The following THSD4 variants were observed in gnomAD, a reference collection of about 807,000 sequenced individuals.
THSD4 encodes the protein thrombospondin type 1 domain containing 4, also known as thrombospondin type-1 domain-containing protein 4.
THSD4 carries 69 observed loss-of-function variants against 119.0 expected under a neutral mutation model. The observed-to-expected ratio is 0.58, with a 90% CI of 0.48 to 0.71. The LOEUF is 0.71. THSD4 is among the 30% of genes least tolerant of loss of function. The pLI is 0.00. For synonymous variants in THSD4, 524 were observed against 540.4 expected, an observed-to-expected ratio of 0.97 and a Z score of 0.42; for missense variants, 1,393 against 1,391.1, an observed-to-expected ratio of 1.00 and a Z score of -0.02.
At chr15:71,226,094 C>T (rs2044016286) in intron 4 of THSD4, among the ~76,000 whole-genome samples, 1 of 152,070 alleles carries the variant, frequency 6.6e-6, no homozygotes, top group African/African-American at 2.4e-5. Flanking sequence ...GTCTCAGCTC[C>T]ATCATCTGCT....
chr15:71,112,916 C>T (rs552622279), upstream of THSD4, among the ~76,000 whole-genome samples: 53 of 152,288 alleles, frequency 3.5e-4, 1 homozygote, highest in African/African-American at 1.0e-3. Flanking sequence ...CTGTGGCTCA[C>T]GCCTGTAATC....
At chr15:71,193,945 C>T (rs613789) in intron 3 of THSD4, among the ~76,000 whole-genome samples, 134,819 of 151,988 alleles carry the variant, frequency 0.89, 59,954 homozygotes, top group Admixed American at 0.93. Context: ...TCTCCTGACC[C>T]CATGATCTGC....
intron 12 of THSD4, among the ~76,000 whole-genome samples, chr15:71,746,470 C>T (rs1046945507): frequency 1.3e-5 from 2 of 152,186 alleles, no homozygotes; most frequent in African/African-American, 4.8e-5. Flanking sequence ...TCATGGCTCA[C>T]TGCAGCCTCA....
intron 7 of THSD4, among the ~76,000 whole-genome samples, chr15:71,498,912 C>T (rs1463952048): frequency 6.6e-6 from 1 of 150,908 alleles, no homozygotes; most frequent in African/African-American, 2.4e-5. Flanking sequence ...GCCATGTTGC[C>T]CAGGCTGGTC....
At chr15:71,224,846 A>G (rs770409763) in intron 4 of THSD4, among the ~76,000 whole-genome samples, 1 of 152,152 alleles carries the variant, frequency 6.6e-6, no homozygotes, top group Admixed American at 6.5e-5. Context: ...TTGTGATTAC[A>G]CTGGACCCAC....
At chr15:71,503,756 T>C (rs1317910091) in intron 7 of THSD4, among the ~76,000 whole-genome samples, 1 of 152,110 alleles carries the variant, frequency 6.6e-6, no homozygotes, top group Non-Finnish European at 1.5e-5. Context: ...GGAATGTCAC[T>C]CTCCAGGGTT....
intron 3 of THSD4, among the ~76,000 whole-genome samples, chr15:71,209,152 A>G (rs1026467046): frequency 6.6e-6 from 1 of 152,210 alleles, no homozygotes; most frequent in Non-Finnish European, 1.5e-5. Flanking sequence ...TGTGTCTTAC[A>G]CATTATAAAG....
At chr15:71,685,916 T>C (rs2051898957) in intron 8 of THSD4, among the ~76,000 whole-genome samples, 1 of 152,314 alleles carries the variant, frequency 6.6e-6, no homozygotes, top group East Asian at 1.9e-4. Context: ...AGGACCATAC[T>C]TTCAGATATA....
chr15:71,252,173 C>T (rs1418926686), intron 5 of THSD4, among the ~76,000 whole-genome samples: 1 of 152,166 alleles, frequency 6.6e-6, no homozygotes, highest in African/African-American at 2.4e-5. Context: ...AATCTCTGCC[C>T]ATGAAAAGGA....
At chr15:71,489,661 C>A (rs956953063) in intron 7 of THSD4, among the ~76,000 whole-genome samples, 6 of 152,062 alleles carry the variant, frequency 3.9e-5, no homozygotes, top group Non-Finnish European at 8.8e-5. Flanking sequence ...CATTTTGTAA[C>A]CCTTAAAAAA....
intron 6 of THSD4, among the ~76,000 whole-genome samples, chr15:71,307,634 T>TG (rs888614552): frequency 7.9e-5 from 12 of 151,920 alleles, no homozygotes; most frequent in Non-Finnish European, 1.6e-4. Context: ...CCAGGCATGG[T>TG]GGGGGGCACC....
At chr15:71,253,650 C>A (rs548411943) in intron 5 of THSD4, among the ~76,000 whole-genome samples, 1 of 152,178 alleles carries the variant, frequency 6.6e-6, no homozygotes, top group East Asian at 1.9e-4. Flanking sequence ...TCAAGTGATC[C>A]GTCTGCCTCG....
intron 7 of THSD4, among the ~76,000 whole-genome samples, chr15:71,561,013 C>T (rs375885678): frequency 4.2e-5 from 6 of 144,224 alleles, no homozygotes; most frequent in East Asian, 4.2e-4. Context: ...CTCGCTGTGT[C>T]GCCCAGCCTG....
chr15:71,519,892 C>G (rs1220899641), intron 7 of THSD4, among the ~76,000 whole-genome samples: 1 of 152,136 alleles, frequency 6.6e-6, no homozygotes, highest in Non-Finnish European at 1.5e-5. Context: ...AGGGGCCAGC[C>G]AGGTCCAGGG....
chr15:71,727,587 T>TACACACAC (rs367823728), intron 8 of THSD4, among the ~76,000 whole-genome samples: 4 of 9,284 alleles, frequency 4.3e-4, no homozygotes, highest in African/African-American at 1.0e-3. Context: ...TATATATATA[T>TACACACAC]ACACACACAC....
At chr15:71,134,740 C>T (rs1004255739) in intron 1 of THSD4, among the ~76,000 whole-genome samples, 8 of 152,218 alleles carry the variant, frequency 5.3e-5, no homozygotes, top group African/African-American at 1.9e-4. Flanking sequence ...GTCCCACCAA[C>T]AGTGTAAAAG....
At chr15:71,227,633 T>G (rs2044029226) in intron 4 of THSD4, among the ~76,000 whole-genome samples, 1 of 152,310 alleles carries the variant, frequency 6.6e-6, no homozygotes, top group South Asian at 2.1e-4. Flanking sequence ...AGCCCCAGTT[T>G]ACAGAGGACA....
intron 7 of THSD4, among the ~76,000 whole-genome samples, chr15:71,476,649 A>G (rs1479928424): frequency 6.6e-6 from 1 of 152,248 alleles, no homozygotes; most frequent in South Asian, 2.1e-4. Context: ...CTTCAAGGCA[A>G]CAAGGCAACC....
chr15:71,702,886 T>C (rs1285943006), intron 8 of THSD4, among the ~76,000 whole-genome samples: 1 of 152,148 alleles, frequency 6.6e-6, no homozygotes, highest in Non-Finnish European at 1.5e-5. Flanking sequence ...TCCACTATTG[T>C]ATGCATCCAG....
Sources: gnomAD v4.1 joint callset for allele counts (sites outside exome capture counted in the v4.1 genomes callset) on GRCh38, gnomAD v4.1.1 for gene constraint, MANE v1.5 for transcripts, NCBI Gene and HGNC (gene_info 2026-07-23, HGNC 2026-07-21) for gene names.